Variants in PHACTR1 observed in about 807,000 individuals in gnomAD.
The protein encoded by PHACTR1 is RPEL repeat containing 1.
In PHACTR1, 16 loss-of-function variants were observed where a neutral mutation model predicts 69.2. That is an observed-to-expected ratio of 0.23 (90% CI 0.16 to 0.35). PHACTR1 has a LOEUF of 0.35. PHACTR1 is among the 10% of genes least tolerant of loss of function. The pLI is 1.00. For synonymous variants in PHACTR1, 312 were observed against 284.5 expected, an observed-to-expected ratio of 1.10 and a Z score of -0.97; for missense variants, 510 against 734.7, an observed-to-expected ratio of 0.69 and a Z score of 3.54.
chr6:12,975,256 G>T (rs1794726316), intron 4 of PHACTR1, among the ~76,000 whole-genome samples: 1 of 152,162 alleles, frequency 6.6e-6, no homozygotes, highest in Non-Finnish European at 1.5e-5. Flanking sequence ...ATGTTTAGCA[G>T]CATAAACATG....
rs115069275 is a variant in PHACTR1 at position 13,212,039 on chromosome 6, G to T, written c.986+5903G>T. Reference sequence around the variant, plus strand: ...GTTTCTCCTGGGGACTCTCTTCTTGGCTTGTAGGTGGTGTCTTCTCTCTGT... The same window carrying T: ...GTTTCTCCTGGGGACTCTCTTCTTGTCTTGTAGGTGGTGTCTTCTCTCTGT... On this transcript the variant is annotated intron_variant, in intron 8 of 14. Transcript: ENST00000332995. Among the ~76,000 whole-genome samples the T allele has an allele frequency of 7.2e-3, 1,092 of 152,262 alleles. 14 individuals are homozygous for T. Among genetic ancestry groups the T allele is most frequent in the African/African-American group, 0.025 (1,038 of 41,538 alleles).
intron 4 of PHACTR1, among the ~76,000 whole-genome samples, chr6:12,872,244 C>T (rs1013135475): frequency 2.0e-5 from 3 of 151,636 alleles, no homozygotes; most frequent in East Asian, 1.9e-4. Context: ...TAGTGATACA[C>T]GGAACAAGAG....
At chr6:13,221,499 T>A (rs1275761408) in intron 8 of PHACTR1, among the ~76,000 whole-genome samples, 1 of 152,306 alleles carries the variant, frequency 6.6e-6, no homozygotes, top group East Asian at 1.9e-4. Flanking sequence ...TACTTCTACA[T>A]AGGCAGTGGT....
rs1460531908 is a variant in PHACTR1 at position 13,218,890 on chromosome 6, AGAGAAGAGAAGAGAAGAG to A, written c.987-8925_987-8908del. Among the ~76,000 whole-genome samples, 558 of 75,526 alleles carry A rather than the reference AGAGAAGAGAAGAGAAGAG, an allele frequency of 7.4e-3. 6 individuals carry two copies. The highest frequency in any genetic ancestry group is 0.027 in the Middle Eastern group (4 of 146). The allele number at this position is 75,526 out of a possible 152,430, so 49.5% of individuals were successfully genotyped here. ...AGAGAAGAGAAGAGAAGAGAAGAGA[AGAGAAGAGAAGAGAAGAG>A]AAGAGAAAAGGTAGAAAAAGGGAAA... is the stretch of plus-strand genomic sequence containing the variant. On this transcript the variant is annotated intron_variant, in intron 8 of 14. Transcript: ENST00000332995.
rs541575699 is a variant in PHACTR1 at position 13,238,268 on chromosome 6, T to C, written c.1391+8075T>C. On this transcript the variant is annotated intron_variant, in intron 10 of 14. Transcript: ENST00000332995. Reference sequence around the variant, plus strand: ...GCGTGGAAACTGGCACTAAGCCCCATGGGGTAGATCAGATGTAGTTTTCTC... The same window carrying C: ...GCGTGGAAACTGGCACTAAGCCCCACGGGGTAGATCAGATGTAGTTTTCTC... Among the ~76,000 whole-genome samples the C allele has an allele frequency of 3.9e-5, 6 of 152,342 alleles. No homozygotes were observed. The South Asian group carries it at 1.0e-3, about 26-fold the overall frequency.
intron 5 of PHACTR1, among the ~76,000 whole-genome samples, chr6:13,090,603 G>A (rs774991913): frequency 1.3e-5 from 2 of 152,160 alleles, no homozygotes; most frequent in South Asian, 4.2e-4. Context: ...GATTACAGGC[G>A]TGAGCCACCA....
intron 4 of PHACTR1, among the ~76,000 whole-genome samples, chr6:12,990,665 G>T (rs929318794): frequency 2.7e-4 from 41 of 152,332 alleles, no homozygotes; most frequent in African/African-American, 9.9e-4. Context: ...TCAGTGGTAG[G>T]TCAGGGTGAC....
chr6:12,754,385 A>G (rs1767033167), intron 4 of PHACTR1, among the ~76,000 whole-genome samples: 1 of 152,038 alleles, frequency 6.6e-6, no homozygotes, highest in African/African-American at 2.4e-5. Flanking sequence ...TGTGTTCCTC[A>G]CTATATTTTT....
intron 4 of PHACTR1, among the ~76,000 whole-genome samples, chr6:13,006,595 T>TACACACCTTATATTAAATAAGGTGATAC (rs1798825018): frequency 6.6e-6 from 1 of 151,142 alleles, no homozygotes; most frequent in Admixed American, 6.6e-5. Flanking sequence ...TAAGGTGATA[T>TACACACCTTATATTAAATAAGGTGATAC]ATACACAACT....
chr6:12,993,664 T>C (rs1797076063), intron 4 of PHACTR1, among the ~76,000 whole-genome samples: 1 of 151,932 alleles, frequency 6.6e-6, no homozygotes, highest in Non-Finnish European at 1.5e-5. Context: ...GTCAGGAAAA[T>C]AGGAAGGAGC....
chr6:12,875,219 A>G (rs1782413514), intron 4 of PHACTR1, among the ~76,000 whole-genome samples: 2 of 152,222 alleles, frequency 1.3e-5, no homozygotes, highest in African/African-American at 2.4e-5. Flanking sequence ...AATGTATTCA[A>G]TGGCGTGCAT....
intron 5 of PHACTR1, among the ~76,000 whole-genome samples, chr6:13,119,049 C>G (rs940158958): frequency 4.6e-5 from 7 of 152,106 alleles, no homozygotes; most frequent in Admixed American, 2.0e-4. Context: ...AGAGGGCTTA[C>G]GAAAAACCTC....
At chr6:13,087,436 T>C (rs939506042) in intron 5 of PHACTR1, among the ~76,000 whole-genome samples, 13 of 151,736 alleles carry the variant, frequency 8.6e-5, no homozygotes, top group African/African-American at 7.3e-5. Flanking sequence ...ACTTGCAACA[T>C]AGATGAAATA....
At chr6:13,175,888 T>A (rs1761250139) in intron 6 of PHACTR1, among the ~76,000 whole-genome samples, 1 of 152,042 alleles carries the variant, frequency 6.6e-6, no homozygotes. Context: ...ATCATGCTCC[T>A]CCCCTAGCCT....
At chr6:12,756,881 CT>C (rs531770718) in intron 4 of PHACTR1, among the ~76,000 whole-genome samples, 45 of 152,212 alleles carry the variant, frequency 3.0e-4, no homozygotes, top group African/African-American at 1.1e-3. Flanking sequence ...ACAGAAAAAC[CT>C]GTATTATTCG....
intron 6 of PHACTR1, among the ~76,000 whole-genome samples, chr6:13,167,126 C>A (rs991448805): frequency 1.3e-5 from 2 of 152,140 alleles, no homozygotes; most frequent in African/African-American, 2.4e-5. Context: ...ACTCTTAAAA[C>A]CCCTGCTGAG....
intron 5 of PHACTR1, among the ~76,000 whole-genome samples, chr6:13,131,822 C>T (rs184813691): frequency 7.9e-5 from 12 of 152,260 alleles, no homozygotes; most frequent in African/African-American, 2.6e-4. Flanking sequence ...TTTGACTGTA[C>T]CTCAAACACA....
At chr6:13,091,026 G>A (rs971938984) in intron 5 of PHACTR1, among the ~76,000 whole-genome samples, 1 of 151,050 alleles carries the variant, frequency 6.6e-6, no homozygotes, top group Admixed American at 6.6e-5. Flanking sequence ...GCAGGGTGGG[G>A]TGGGGTGCAG....
rs780517348 is a variant in PHACTR1 at position 13,227,907 on chromosome 6, C to G, written c.1078C>G (p.Pro360Ala). 15 of 1,613,840 alleles carry G rather than the reference C, an allele frequency of 9.3e-6. No homozygotes were observed. The highest frequency in any genetic ancestry group is 1.3e-5 in the African/African-American group (1 of 74,890). ...GVTKAGPMGL[P>A]EIRQVPTVVI... ...CACCAAAGCAGGACCTATGGGCCTT[C>G]CAGAAATAAGACAAGTGCCAACTGT... The change falls in exon 9 of 15, where the codon CCA (proline) becomes GCA (alanine). Residue 360 changes from proline to alanine, a missense_variant. Physicochemically the swap from Pro to Ala is conservative, Grantham distance 27. Transcript: ENST00000332995.
Sources: gnomAD v4.1 joint callset for allele counts (sites outside exome capture counted in the v4.1 genomes callset) on GRCh38, gnomAD v4.1.1 for gene constraint, MANE v1.5 for transcripts, NCBI Gene and HGNC (gene_info 2026-07-23, HGNC 2026-07-21) for gene names.